CPNE4: variants seen among roughly 807,000 people sequenced by gnomAD.
CPNE4 encodes copine-4.
Under a neutral mutation model 67.9 loss-of-function variants are expected in CPNE4, and 25 were observed. The ratio of observed to expected loss-of-function variants is 0.37; its 90% CI spans 0.27 to 0.51. The LOEUF (loss-of-function observed/expected upper bound fraction) is 0.51, where lower values mean the gene tolerates loss of function less well. CPNE4 is among the 20% of genes least tolerant of loss of function. CPNE4 has a pLI of 0.93. For missense variants in CPNE4, 464 were observed against 690.8 expected (o/e 0.67, Z 3.68); for synonymous variants, 242 against 244.9 (o/e 0.99, Z 0.11).
At chr3:131,669,605 T>C (rs1300455853) in intron 7 of CPNE4, 70 bp downstream of exon 7, 1 of 1,306,238 alleles carries the variant, frequency 7.7e-7, no homozygotes, top group Non-Finnish European at 1.1e-6. Context: ...GTCAATATTA[T>C]TTTGAAAAGA....
intron 5 of CPNE4, among the ~76,000 whole-genome samples, chr3:131,696,270 G>A (rs2081154999): frequency 6.6e-6 from 1 of 151,850 alleles, no homozygotes; most frequent in Non-Finnish European, 1.5e-5. Context: ...CTAGAAATGG[G>A]GTTAAATCAT....
chr3:131,817,674 G>A (rs967793373), intron 2 of CPNE4, among the ~76,000 whole-genome samples: 1 of 152,170 alleles, frequency 6.6e-6, no homozygotes, highest in African/African-American at 2.4e-5. Context: ...AAAAATGATT[G>A]AAAAGTGCAG....
intron 2 of CPNE4, among the ~76,000 whole-genome samples, chr3:131,736,292 A>C (rs1003888580): frequency 4.2e-4 from 64 of 152,292 alleles, no homozygotes; most frequent in African/African-American, 1.4e-3. Context: ...CTTGAAACCA[A>C]AGAGTTTGCA....
intron 7 of CPNE4, among the ~76,000 whole-genome samples, chr3:131,611,390 T>C (rs1046632723): frequency 6.6e-6 from 1 of 152,176 alleles, no homozygotes; most frequent in Non-Finnish European, 1.5e-5. Context: ...AACTACAGGG[T>C]AATCAATCAT....
chr3:132,013,171 C>T (rs1480753695), intron 1 of CPNE4, among the ~76,000 whole-genome samples: 9 of 152,138 alleles, frequency 5.9e-5, no homozygotes, highest in Admixed American at 5.9e-4. Context: ...TGCAGTGAAC[C>T]AAGATCACGC....
chr3:131,706,979 T>A (rs926748875), intron 3 of CPNE4, among the ~76,000 whole-genome samples: 2 of 152,182 alleles, frequency 1.3e-5, no homozygotes, highest in African/African-American at 4.8e-5. Context: ...CTCCCTAAAA[T>A]GTTGTAGCCT....
chr3:131,633,771 T>TA (rs1553743307), intron 7 of CPNE4, among the ~76,000 whole-genome samples: 2 of 151,722 alleles, frequency 1.3e-5, no homozygotes, highest in East Asian at 1.9e-4. Context: ...TTTTTATTTT[T>TA]AAAAAAAAGA....
chr3:132,004,233 T>C (rs1427479513), intron 1 of CPNE4, among the ~76,000 whole-genome samples: 1 of 152,150 alleles, frequency 6.6e-6, no homozygotes, highest in East Asian at 1.9e-4. Flanking sequence ...ATAAAATGTA[T>C]CTTCTGATTA....
chr3:131,924,798 T>C (rs1336972639), intron 1 of CPNE4, among the ~76,000 whole-genome samples: 7 of 152,110 alleles, frequency 4.6e-5, no homozygotes, highest in African/African-American at 1.7e-4. Context: ...TAAACGTGAG[T>C]GTTATCAACC....
At chr3:131,718,455 G>T (rs766037025) in intron 3 of CPNE4, among the ~76,000 whole-genome samples, 1 of 152,038 alleles carries the variant, frequency 6.6e-6, no homozygotes, top group Non-Finnish European at 1.5e-5. Flanking sequence ...TCACTTGACC[G>T]CTCACCCACG....
intron 3 of CPNE4, among the ~76,000 whole-genome samples, chr3:131,714,262 A>T (rs549999042): frequency 1.3e-5 from 2 of 152,134 alleles, no homozygotes; most frequent in Non-Finnish European, 2.9e-5. Flanking sequence ...ATACCCATTG[A>T]TCAATAGCTT....
At chr3:131,761,014 C>T (rs1055484409) in intron 2 of CPNE4, among the ~76,000 whole-genome samples, 1 of 152,000 alleles carries the variant, frequency 6.6e-6, no homozygotes, top group African/African-American at 2.4e-5. Flanking sequence ...GAGAAGATGC[C>T]TAGATAAATT....
At chr3:132,021,997 T>C (rs1560800303) in intron 1 of CPNE4, among the ~76,000 whole-genome samples, 1 of 152,224 alleles carries the variant, frequency 6.6e-6, no homozygotes, top group Non-Finnish European at 1.5e-5. Flanking sequence ...ATAGGGAAGA[T>C]GATATTCCCA....
chr3:131,983,012 A>G (rs970385978), intron 1 of CPNE4, among the ~76,000 whole-genome samples: 1 of 152,108 alleles, frequency 6.6e-6, no homozygotes. Flanking sequence ...TAATTACTTC[A>G]TCATTTTTAT....
chr3:131,725,940 G>T (rs958488623), intron 2 of CPNE4, among the ~76,000 whole-genome samples: 6 of 152,088 alleles, frequency 3.9e-5, no homozygotes, highest in African/African-American at 1.4e-4. Context: ...GGCCCCTAGA[G>T]GCATTTTTGC....
chr3:131,905,522 A>C (rs187581734), intron 1 of CPNE4, 78 bp from the exon 2 acceptor site: 2 of 1,310,298 alleles, frequency 1.5e-6, no homozygotes, highest in Non-Finnish European at 2.1e-6. Flanking sequence ...CCTCCCAATC[A>C]CCCTTCAGAA....
intron 11 of CPNE4, among the ~76,000 whole-genome samples, chr3:131,558,281 T>C (rs1936575256): frequency 6.6e-6 from 1 of 152,002 alleles, no homozygotes; most frequent in Non-Finnish European, 1.5e-5. Context: ...TATTTCTGTT[T>C]TAAAATAAAA....
intron 2 of CPNE4, among the ~76,000 whole-genome samples, chr3:131,828,736 G>T (rs1360598756): frequency 1.3e-5 from 2 of 152,118 alleles, no homozygotes; most frequent in African/African-American, 4.8e-5. Flanking sequence ...GGGAGCCTGA[G>T]GTGAGAGGAT....
chr3:131,832,370 T>C (rs1348312073), intron 2 of CPNE4, among the ~76,000 whole-genome samples: 1 of 152,190 alleles, frequency 6.6e-6, no homozygotes, highest in Non-Finnish European at 1.5e-5. Flanking sequence ...AGAGATCATC[T>C]ACCTCATGGT....
Sources: gnomAD v4.1 joint callset for allele counts (sites outside exome capture counted in the v4.1 genomes callset) on GRCh38, gnomAD v4.1.1 for gene constraint, MANE v1.5 for transcripts, NCBI Gene and HGNC (gene_info 2026-07-23, HGNC 2026-07-21) for gene names.